The following NELL1 variants were observed in gnomAD, a reference collection of about 807,000 sequenced individuals.
The protein encoded by NELL1 is neural EGFL like 1, also known as protein kinase C-binding protein NELL1.
A neutral mutation model predicts 107.4 loss-of-function variants in NELL1; 76 were observed. The observed-to-expected ratio is 0.71, with a 90% CI of 0.59 to 0.86. The LOEUF is 0.86. Ranked by LOEUF, NELL1 falls within the 40% of genes least tolerant of loss-of-function variation. The pLI is 0.00. For missense variants in NELL1, 1,024 were observed against 1,005.5 expected, an observed-to-expected ratio of 1.02 and a Z score of -0.25; for synonymous variants, 353 against 341.2, an observed-to-expected ratio of 1.03 and a Z score of -0.38.
chr11:21,331,132 A>G (rs951234076), intron 14 of NELL1, among the ~76,000 whole-genome samples: 1 of 151,966 alleles, frequency 6.6e-6, no homozygotes, highest in Admixed American at 6.6e-5. Context: ...CTCTCTAAGC[A>G]TATTTTTCTT....
intron 12 of NELL1, among the ~76,000 whole-genome samples, chr11:21,043,322 A>G (rs1233610758): frequency 6.6e-6 from 1 of 152,052 alleles, no homozygotes; most frequent in African/African-American, 2.4e-5. Context: ...TGGGTGGGAG[A>G]TGGATATTAA....
rs1367091613 is a variant in NELL1, at chr11:21,515,891, C to T, written c.1646-18483C>T. Among the ~76,000 whole-genome samples the T allele has an allele frequency of 6.6e-5, 10 of 152,148 alleles. 1 individual carries two copies. Among genetic ancestry groups the T allele is most frequent in the African/African-American group, 9.7e-5 (4 of 41,450 alleles). ...GCAAATGAAGCTCTAATGAGCTGAA[C>T]GAGTAGCTTCATGCAGAGCTGGCCC... On this transcript the variant is annotated intron_variant, in intron 15 of 19. Coordinates refer to ENST00000357134, the MANE Select transcript of NELL1 (RefSeq NM_006157.5).
At chr11:21,288,659 T>C (rs980242805) in intron 14 of NELL1, among the ~76,000 whole-genome samples, 2 of 152,240 alleles carry the variant, frequency 1.3e-5, no homozygotes, top group African/African-American at 4.8e-5. Context: ...ATGGGATTGT[T>C]GTCAAAATTA....
Position 20,847,790 on chromosome 11 carries a change from T to G in NELL1, c.506+37T>G, listed in dbSNP as rs759449447. On this transcript the variant is annotated intron_variant, in intron 4 of 19. Transcript: ENST00000357134. ...TCTTTGAGTGTTGCTGATTCTGCCC[T>G]TGAAATCAAGCAATGGAAAAGGGGA... 9 of 1,563,644 alleles carry G rather than the reference T, an allele frequency of 5.8e-6. No homozygotes were observed. In the South Asian group the frequency reaches 1.1e-4, roughly 19 times the overall value.
At chr11:20,683,536 TTTCTGTG>T (rs1489446909) in intron 2 of NELL1, among the ~76,000 whole-genome samples, 3 of 152,036 alleles carry the variant, frequency 2.0e-5, no homozygotes, top group Non-Finnish European at 2.9e-5. Flanking sequence ...CCGTTTCTGT[TTTCTGTG>T]TTCTTTGTTC....
chr11:21,302,189 A>G (rs1849506054), intron 14 of NELL1, among the ~76,000 whole-genome samples: 1 of 151,946 alleles, frequency 6.6e-6, no homozygotes, highest in Admixed American at 6.6e-5. Flanking sequence ...TCTGTTCCAT[A>G]TGTTGTTGAC....
At chr11:21,445,987 C>T (rs1331479604) in intron 15 of NELL1, among the ~76,000 whole-genome samples, 1 of 152,000 alleles carries the variant, frequency 6.6e-6, no homozygotes, top group Non-Finnish European at 1.5e-5. Context: ...CTTAGATTTG[C>T]CCTTTTGAGA....
At chr11:20,691,622 C>T (rs953777729) in intron 2 of NELL1, among the ~76,000 whole-genome samples, 26 of 151,988 alleles carry the variant, frequency 1.7e-4, no homozygotes, top group African/African-American at 6.3e-4. Context: ...CCTTGCATCC[C>T]AGGGATGAAG....
intron 15 of NELL1, among the ~76,000 whole-genome samples, chr11:21,372,813 C>T (rs1851386551): frequency 6.6e-6 from 1 of 151,916 alleles, no homozygotes; most frequent in Non-Finnish European, 1.5e-5. Flanking sequence ...TAGACCAGGG[C>T]CTGTGATCAG....
chr11:21,318,867 T>A (rs544498685), intron 14 of NELL1, among the ~76,000 whole-genome samples: 1 of 152,134 alleles, frequency 6.6e-6, no homozygotes, highest in African/African-American at 2.4e-5. Context: ...TGAGTTAAAA[T>A]CCCGACTCTA....
At position 21,256,834 on chromosome 11, in the gene NELL1, G is replaced by A. The variant is rs75908491; in HGVS notation, c.1549+27380G>A. ...AGATTGTATCTGGGAGGTGAGCACC[G>A]GAAGCACGGGTATAGGGCAATGGGC... On this transcript the variant is annotated intron_variant, in intron 14 of 19. Coordinates refer to ENST00000357134, the MANE Select transcript of NELL1 (RefSeq NM_006157.5). 5.6e-3 allele frequency among the ~76,000 whole-genome samples: 844 copies of A among 152,050 alleles called. 6 individuals carry two copies. The highest frequency in any genetic ancestry group is 0.018 in the African/African-American group (761 of 41,498).
intron 13 of NELL1, among the ~76,000 whole-genome samples, chr11:21,131,342 A>G (rs1171919326): frequency 6.6e-6 from 1 of 152,218 alleles, no homozygotes; most frequent in African/African-American, 2.4e-5. Flanking sequence ...AGCATTCACC[A>G]TGAATGCTGA....
intron 13 of NELL1, among the ~76,000 whole-genome samples, chr11:21,122,808 T>TA (rs937972077): frequency 7.5e-4 from 114 of 151,140 alleles, no homozygotes; most frequent in Non-Finnish European, 9.5e-4. Context: ...CTGAAAGAAT[T>TA]AAAAAAAAAC....
chr11:20,769,065 C>T (rs79718784), intron 2 of NELL1, among the ~76,000 whole-genome samples: 1,942 of 151,748 alleles, frequency 0.013, 16 homozygotes, highest in Middle Eastern at 0.024. Flanking sequence ...AGAGAGAAAA[C>T]GACAAAGACT....
chr11:21,447,101 T>G (rs2133853166), intron 15 of NELL1, among the ~76,000 whole-genome samples: 1 of 151,708 alleles, frequency 6.6e-6, no homozygotes, highest in South Asian at 2.1e-4. Flanking sequence ...TGATGCTCAC[T>G]TAAGACCCAA....
intron 15 of NELL1, among the ~76,000 whole-genome samples, chr11:21,488,690 T>C (rs1854710847): frequency 6.6e-6 from 1 of 152,106 alleles, no homozygotes; most frequent in Non-Finnish European, 1.5e-5. Context: ...AAACAACCAT[T>C]GGGTCAATGA....
intron 4 of NELL1, among the ~76,000 whole-genome samples, chr11:20,882,998 G>A (rs1288345807): frequency 1.3e-5 from 2 of 152,064 alleles, no homozygotes; most frequent in Non-Finnish European, 2.9e-5. Flanking sequence ...TCCCTCCTCA[G>A]CAAGTTTTCT....
chr11:21,496,485 T>C (rs1246811929), intron 15 of NELL1, among the ~76,000 whole-genome samples: 1 of 150,556 alleles, frequency 6.6e-6, no homozygotes, highest in African/African-American at 2.4e-5. Context: ...TCTCAGCTCA[T>C]TGCAACCTTC....
chr11:21,165,758 C>CTTTTTTTTTTTTTTTTTTTTTTTTTTT (rs34509347), intron 13 of NELL1, among the ~76,000 whole-genome samples: 3 of 98,510 alleles, frequency 3.0e-5, no homozygotes, highest in Non-Finnish European at 1.9e-5. Context: ...ACAATGAGAT[C>CTTTTTTTTTTTTTTTTTTTTTTTTTTT]TTTTTTTTTT....
Sources: gnomAD v4.1 joint callset for allele counts (sites outside exome capture counted in the v4.1 genomes callset) on GRCh38, gnomAD v4.1.1 for gene constraint, MANE v1.5 for transcripts, NCBI Gene and HGNC (gene_info 2026-07-23, HGNC 2026-07-21) for gene names.